TENM2: variants seen among roughly 807,000 people sequenced by gnomAD.
The protein encoded by TENM2 is teneurin-2.
In TENM2, 52 loss-of-function variants were observed where a neutral mutation model predicts 245.2. That is an observed-to-expected ratio of 0.21 (90% CI 0.17 to 0.27). TENM2 has a LOEUF of 0.27. TENM2 is among the 10% of genes least tolerant of loss of function. TENM2 has a pLI of 1.00. For synonymous variants in TENM2, 1,363 were observed against 1,438.9 expected (o/e 0.95, Z 1.19); for missense variants, 3,046 against 3,666.8 (o/e 0.83, Z 4.37).
intron 3 of TENM2, among the ~76,000 whole-genome samples, chr5:167,947,914 A>G (rs1344840842): frequency 6.6e-6 from 1 of 152,106 alleles, no homozygotes; most frequent in Non-Finnish European, 1.5e-5. Flanking sequence ...CACCAGGAAA[A>G]ATTGGTGAAG....
intron 12 of TENM2, among the ~76,000 whole-genome samples, chr5:168,153,450 G>T (rs1756832584): frequency 6.6e-6 from 1 of 152,216 alleles, no homozygotes; most frequent in Non-Finnish European, 1.5e-5. Context: ...TGAGCTGGAA[G>T]CCAGGAAAGC....
In TENM2 at chr5:167,817,256, C is replaced by T. The variant is rs527577127; in HGVS notation, c.503-58730C>T. 4.1e-4 allele frequency among the ~76,000 whole-genome samples: 62 copies of T among 152,266 alleles called. 2 individuals carry two copies. The highest frequency in any genetic ancestry group is 1.3e-3 in the African/African-American group (55 of 41,558). On this transcript the variant is annotated intron_variant, in intron 2 of 28. Coordinates refer to ENST00000518659, the Ensembl canonical transcript of TENM2. ...GAAAATGTTGTAGAATCTGCTTCTT[C>T]TGAAGACTTATAATTTTGATAAGCC...
intron 14 of TENM2, among the ~76,000 whole-genome samples, chr5:168,194,068 CA>C (rs1203493339): frequency 6.6e-6 from 1 of 152,138 alleles, no homozygotes; most frequent in Non-Finnish European, 1.5e-5. Context: ...CCCAGGAATG[CA>C]AAAGTAAGTG....
intron 16 of TENM2, among the ~76,000 whole-genome samples, chr5:168,199,587 C>T (rs889967136): frequency 1.3e-5 from 2 of 152,230 alleles, no homozygotes; most frequent in Non-Finnish European, 2.9e-5. Flanking sequence ...TTCTTATTTA[C>T]ATCTTTTGCC....
At chr5:168,228,260 G>A in intron 25 of TENM2, 130 bp downstream of exon 27, 1 of 723,400 alleles carries the variant, frequency 1.4e-6, no homozygotes, top group South Asian at 1.9e-5. Context: ...AGCTGAGAAA[G>A]TTTCCCAGCT....
intron 12 of TENM2, among the ~76,000 whole-genome samples, chr5:168,159,190 T>A (rs1324140797): frequency 6.6e-6 from 1 of 151,966 alleles, no homozygotes; most frequent in African/African-American, 2.4e-5. Context: ...CAATGCCAAA[T>A]GTTTTCTGGA....
At chr5:167,672,253 TTG>T (rs1408542158) in intron 2 of TENM2, among the ~76,000 whole-genome samples, 5 of 152,034 alleles carry the variant, frequency 3.3e-5, no homozygotes, top group African/African-American at 1.2e-4. Context: ...TCTGATTCAT[TTG>T]TGTTTGTGTG....
At chr5:167,101,849 TTATATATA>T in the TENM2 span, among the ~76,000 whole-genome samples, 134 of 69,436 alleles carry the variant, frequency 1.9e-3, 6 homozygotes, top group Middle Eastern at 8.9e-3. Flanking sequence ...ATATATATAT[TTATATATA>T]TATATATATA....
chr5:167,150,365 T>A, the TENM2 span, among the ~76,000 whole-genome samples: 1 of 152,202 alleles, frequency 6.6e-6, no homozygotes, highest in Non-Finnish European at 1.5e-5. Flanking sequence ...AAAAAAATTA[T>A]TATGGGCAAA....
At chr5:167,353,695 G>C (rs1447627694) in intron 1 of TENM2, among the ~76,000 whole-genome samples, 1 of 151,590 alleles carries the variant, frequency 6.6e-6, no homozygotes, top group African/African-American at 2.4e-5. Context: ...TTTTAGTAGA[G>C]ACGGGGTTTC....
chr5:167,637,913 A>C (rs1466543288), intron 2 of TENM2, among the ~76,000 whole-genome samples: 1 of 152,064 alleles, frequency 6.6e-6, no homozygotes, highest in Non-Finnish European at 1.5e-5. Flanking sequence ...AAACCACCAT[A>C]GCACATGTAT....
chr5:167,005,850 C>G, the TENM2 span, among the ~76,000 whole-genome samples: 6 of 151,650 alleles, frequency 4.0e-5, no homozygotes, highest in South Asian at 2.1e-4. Context: ...TTAGTAGAGA[C>G]AGAGCTTCAC....
At chr5:168,174,637 G>A (rs770723300) in intron 13 of TENM2, among the ~76,000 whole-genome samples, 3 of 152,184 alleles carry the variant, frequency 2.0e-5, no homozygotes, top group South Asian at 2.1e-4. Context: ...AGCGTAATAC[G>A]TGCCTTTTGA....
At chr5:168,214,296 T>TCA (rs140320689) in intron 20 of TENM2, among the ~76,000 whole-genome samples, 169 of 152,250 alleles carry the variant, frequency 1.1e-3, no homozygotes, top group African/African-American at 4.0e-3. Flanking sequence ...CTAATACACT[T>TCA]CACACACACA....
chr5:167,758,155 T>A (rs1448797093), intron 2 of TENM2, among the ~76,000 whole-genome samples: 1 of 152,194 alleles, frequency 6.6e-6, no homozygotes, highest in Non-Finnish European at 1.5e-5. Context: ...AACCTCACAG[T>A]GTCAGAGTTG....
At chr5:167,433,515 T>A (rs2127446990) in intron 2 of TENM2, among the ~76,000 whole-genome samples, 1 of 152,302 alleles carries the variant, frequency 6.6e-6, no homozygotes, top group African/African-American at 2.4e-5. Flanking sequence ...TTGCTGTTCT[T>A]GATTTTTTTG....
At chr5:167,593,193 G>A (rs1468629350) in intron 2 of TENM2, among the ~76,000 whole-genome samples, 2 of 152,126 alleles carry the variant, frequency 1.3e-5, no homozygotes, top group Admixed American at 6.5e-5. Context: ...AATTAATTCT[G>A]TAATGTTGGA....
At chr5:167,910,823 T>C (rs1472120601) in intron 3 of TENM2, among the ~76,000 whole-genome samples, 1 of 152,228 alleles carries the variant, frequency 6.6e-6, no homozygotes, top group African/African-American at 2.4e-5. Flanking sequence ...TAATTTATCC[T>C]AAGTTACATT....
chr5:166,994,170 C>T, the TENM2 span, among the ~76,000 whole-genome samples: 1 of 152,186 alleles, frequency 6.6e-6, no homozygotes, highest in East Asian at 1.9e-4. Context: ...CAGATCTCTT[C>T]TGTAGCTACG....
Sources: allele counts gnomAD v4.1 joint callset (sites outside exome capture counted in the v4.1 genomes callset), GRCh38; gene constraint gnomAD v4.1.1; transcripts MANE v1.5; gene names NCBI Gene and HGNC (gene_info 2026-07-23, HGNC 2026-07-21).